The following RAB11FIP4 variants were observed in gnomAD, a reference collection of about 807,000 sequenced individuals.
The protein encoded by RAB11FIP4 is rab11 family-interacting protein 4.
Under a neutral mutation model 74.3 loss-of-function variants are expected in RAB11FIP4, and 23 were observed. The ratio of observed to expected loss-of-function variants is 0.31; its 90% CI spans 0.22 to 0.44. The LOEUF is 0.44. Among genes scored for constraint, RAB11FIP4 ranks in the 20% least tolerant of loss-of-function variants. The probability of loss-of-function intolerance (pLI) is 1.00; values close to 1 mark genes in which losing one functional copy is unlikely to be tolerated. For synonymous variants in RAB11FIP4, 360 were observed against 359.9 expected, an observed-to-expected ratio of 1.00 and a Z score of 0.00; for missense variants, 630 against 863.9, an observed-to-expected ratio of 0.73 and a Z score of 3.39.
At position 31,525,096 on chromosome 17, in the gene RAB11FIP4, T is replaced by C. The variant is rs1014728435; in HGVS notation, c.1140T>C (p.His380=). ...QENTQLVHRV[H]ELEEMVKDQE... ...CCCATTGCGCTGTCCTCAGGGTGCA[T>C]GAGCTGGAGGAGATGGTGAAGGATC... Residue 380 remains histidine (H), a synonymous_variant, in exon 10 of 15, where the codon CAT becomes CAC. Coordinates refer to ENST00000621161, the MANE Select transcript of RAB11FIP4 (RefSeq NM_032932.6). The C allele has an allele frequency of 6.5e-7, 1 of 1,550,196 alleles. No homozygotes were observed. The highest frequency in any genetic ancestry group is 1.4e-5 in the African/African-American group (1 of 73,038).
Position 31,525,355 on chromosome 17 carries a change from T to C in RAB11FIP4, c.1274+125T>C, listed in dbSNP as rs1283470894. On this transcript the variant is annotated intron_variant, in intron 10 of 14. Coordinates refer to ENST00000621161, the MANE Select transcript of RAB11FIP4 (RefSeq NM_032932.6). ...GGCTGAGGGGCAGCCTCTTGAGACT[T>C]TCCAGTAGTAACAGTTCCACTTTAA... 6.5e-6 allele frequency: 6 copies of C among 918,694 alleles called. No individual in the cohort carries two copies. In the African/African-American group the frequency reaches 6.7e-5, roughly 10 times the overall value. 56.9% of individuals were successfully genotyped at this position (918,694 alleles called of 1,614,324 possible).
chr17:31,482,720 C>T (rs2071861624), intron 3 of RAB11FIP4, among the ~76,000 whole-genome samples: 1 of 152,234 alleles, frequency 6.6e-6, no homozygotes, highest in Non-Finnish European at 1.5e-5. Flanking sequence ...CTGCTTAAGT[C>T]ATCAAATACT....
At chr17:31,443,476 G>T (rs571758190) in intron 3 of RAB11FIP4, among the ~76,000 whole-genome samples, 11 of 152,118 alleles carry the variant, frequency 7.2e-5, no homozygotes, top group Non-Finnish European at 1.5e-4. Context: ...TTTTTAATTC[G>T]TAGAATTGAC....
At chr17:31,450,009 C>T (rs1597923691) in intron 3 of RAB11FIP4, among the ~76,000 whole-genome samples, 1 of 152,188 alleles carries the variant, frequency 6.6e-6, no homozygotes. Context: ...ATTTTGGGAA[C>T]ACTCGATAGT....
At chr17:31,484,014 C>T (rs2071876159) in intron 3 of RAB11FIP4, among the ~76,000 whole-genome samples, 1 of 150,750 alleles carries the variant, frequency 6.6e-6, no homozygotes, top group Admixed American at 6.6e-5. Flanking sequence ...TTTGAGGCTA[C>T]AGTGAGCTAT....
chr17:31,523,307 G>C (rs145330072), intron 7 of RAB11FIP4: 1 of 592,482 alleles, frequency 1.7e-6, no homozygotes, highest in Non-Finnish European at 3.0e-6. Context: ...AGGGGACCCC[G>C]GGGGTCTGTA....
At position 31,434,114 on chromosome 17, in the gene RAB11FIP4, G is replaced by A. The variant is rs759640539; in HGVS notation, c.328G>A (p.Val110Met). ...GTGCGCGCCAGAGATCCCAGACTGC[G>A]TGGAGCAGGTAAGGCTTGGGGGGCC... is the stretch of plus-strand genomic sequence containing the variant. ...LPCAPEIPDC[V>M]EQGSEVTGPT... Residue 110 changes from valine to methionine, a missense_variant, in exon 3 of 15, where the codon GTG becomes ATG. By Grantham distance (21) the Val-to-Met change is conservative (BLOSUM62 1). Transcript: ENST00000621161. 141 of 1,578,870 alleles carry A rather than the reference G, an allele frequency of 8.9e-5. No homozygotes were observed. In the South Asian group the frequency reaches 9.7e-4, roughly 11 times the overall value.
At chr17:31,451,458 C>CAA (rs60812825) in intron 3 of RAB11FIP4, among the ~76,000 whole-genome samples, 87 of 85,836 alleles carry the variant, frequency 1.0e-3, no homozygotes, top group Admixed American at 1.5e-3. Flanking sequence ...GACTCCATCT[C>CAA]AAAAAAAAAA....
intron 3 of RAB11FIP4, among the ~76,000 whole-genome samples, chr17:31,515,763 C>T (rs1455727355): frequency 6.6e-6 from 1 of 152,216 alleles, no homozygotes; most frequent in Non-Finnish European, 1.5e-5. Context: ...GAAGCGGTGC[C>T]ACCTGAGAAG....
At chr17:31,503,549 G>A (rs4794893) in intron 3 of RAB11FIP4, among the ~76,000 whole-genome samples, 17,439 of 149,654 alleles carry the variant, frequency 0.12, 1,519 homozygotes, top group East Asian at 0.26. Context: ...TCAGGCAAAG[G>A]CCCATGGGTG....
At chr17:31,415,452 T>C (rs893336836) in intron 1 of RAB11FIP4, among the ~76,000 whole-genome samples, 3 of 152,186 alleles carry the variant, frequency 2.0e-5, no homozygotes, top group East Asian at 1.9e-4. Flanking sequence ...ACTTGTTCCG[T>C]GGTGAAGCTC....
chr17:31,406,917 CTTTAGTAGTTAGA>C (rs2071047201), intron 1 of RAB11FIP4, among the ~76,000 whole-genome samples: 1 of 151,532 alleles, frequency 6.6e-6, no homozygotes, highest in African/African-American at 2.4e-5. Flanking sequence ...TCTATCACTT[CTTTAGTAGTTAGA>C]CACTTATTTT....
chr17:31,457,258 G>A (rs1405049254), intron 3 of RAB11FIP4, among the ~76,000 whole-genome samples: 1 of 152,128 alleles, frequency 6.6e-6, no homozygotes, highest in Non-Finnish European at 1.5e-5. Context: ...TTCATGGCTT[G>A]CTGTGCCCTG....
rs1031628423 is a variant in RAB11FIP4, at chr17:31,491,079, T to C, written c.337-26572T>C. On this transcript the variant is annotated intron_variant, in intron 3 of 14. Coordinates refer to ENST00000621161, the MANE Select transcript of RAB11FIP4 (RefSeq NM_032932.6). ...CAGGTCTCATGGCTGGATTATTGGG[T>C]GGTCCCATCCATACCAATTAGGCAC... Among the ~76,000 whole-genome samples the C allele has an allele frequency of 6.6e-5, 10 of 152,292 alleles. No homozygotes were observed. In the East Asian group the frequency reaches 1.5e-3, roughly 23 times the overall value.
At chr17:31,516,669 CGTATTAGCCAGGGT>C (rs1454820143) in intron 3 of RAB11FIP4, among the ~76,000 whole-genome samples, 2 of 152,182 alleles carry the variant, frequency 1.3e-5, no homozygotes, top group Admixed American at 1.3e-4. Flanking sequence ...GGGGTTTCAC[CGTATTAGCCAGGGT>C]GATCTTGATC....
chr17:31,398,197 C>G (rs2070949229), intron 1 of RAB11FIP4, among the ~76,000 whole-genome samples: 1 of 152,102 alleles, frequency 6.6e-6, no homozygotes, highest in South Asian at 2.1e-4. Context: ...TGCCACCACG[C>G]CCAGCTAATT....
intron 3 of RAB11FIP4, among the ~76,000 whole-genome samples, chr17:31,489,811 T>C (rs1425889132): frequency 6.6e-6 from 1 of 151,046 alleles, no homozygotes; most frequent in Non-Finnish European, 1.5e-5. Context: ...AAATGCGTAG[T>C]GGAGAACAGC....
chr17:31,503,403 C>A (rs1217323695), intron 3 of RAB11FIP4, among the ~76,000 whole-genome samples: 2 of 149,382 alleles, frequency 1.3e-5, no homozygotes, highest in Non-Finnish European at 2.9e-5. Flanking sequence ...ATTAGGACTT[C>A]AATATATGAA....
In RAB11FIP4 at chr17:31,402,189, G is replaced by GCATC. The variant is rs373691832; in HGVS notation, c.159+10217_159+10220dup. Among the ~76,000 whole-genome samples, 371 of 103,284 alleles carry GCATC rather than the reference G, an allele frequency of 3.6e-3. 2 individuals carry two copies. The highest frequency in any genetic ancestry group is 0.02 in the African/African-American group (261 of 13,334). The allele number at this position is 103,284 out of a possible 152,430, so 67.8% of individuals were successfully genotyped here. ...TTCCGTAGCCTCCCCATCTGTCCAT[G>GCATC]CATCCATCCATCCATCCATCCATCC... On this transcript the variant is annotated intron_variant, in intron 1 of 14. Transcript: ENST00000621161.
Sources: gnomAD v4.1 joint callset for allele counts (sites outside exome capture counted in the v4.1 genomes callset) on GRCh38, gnomAD v4.1.1 for gene constraint, MANE v1.5 for transcripts, NCBI Gene and HGNC (gene_info 2026-07-23, HGNC 2026-07-21) for gene names.